The following PIK3R6 variants were observed in gnomAD, a reference collection of about 807,000 sequenced individuals.
The protein encoded by PIK3R6 is phosphoinositide 3-kinase regulatory subunit 6.
In PIK3R6, 91 loss-of-function variants were observed where a neutral mutation model predicts 84.9. The ratio of observed to expected loss-of-function variants is 1.07; its 90% confidence interval spans 0.90 to 1.28. The LOEUF is 1.28. Ranked by LOEUF, PIK3R6 falls within the 50% of genes most tolerant of loss-of-function variation. PIK3R6 has a pLI of 0.00. For synonymous variants in PIK3R6, 416 were observed against 411.4 expected, an observed-to-expected ratio of 1.01 and a Z score of -0.13; for missense variants, 996 against 985.1, an observed-to-expected ratio of 1.01 and a Z score of -0.15.
intron 9 of PIK3R6, 72 bp downstream of exon 9, chr17:8,832,817 G>A (rs2088297936): frequency 6.2e-7 from 1 of 1,601,774 alleles, no homozygotes; most frequent in Admixed American, 1.7e-5. Context: ...GCTGCTCTCT[G>A]GCGCCCCCTG....
At chr17:8,822,850 T>C in intron 15 of PIK3R6, 146 bp downstream of exon 15, 1 of 946,136 alleles carries the variant, frequency 1.1e-6, no homozygotes, top group Non-Finnish European at 1.7e-6. Context: ...AAGAGCAGCC[T>C]TGGCATTCAG....
chr17:8,864,736 A>T (rs900493525), intron 1 of PIK3R6, among the ~76,000 whole-genome samples: 1 of 151,708 alleles, frequency 6.6e-6, no homozygotes, highest in South Asian at 2.1e-4. Flanking sequence ...ACGGGGTTTC[A>T]CCGTGTTGGC....
chr17:8,838,341 T>C (rs2088554678), intron 4 of PIK3R6: 1 of 519,534 alleles, frequency 1.9e-6, no homozygotes, highest in East Asian at 3.4e-5. Context: ...TGTGGTCGCG[T>C]TATAGTGCTT....
Position 8,828,822 on chromosome 17 carries a change from A to T in PIK3R6, c.1058T>A (p.Leu353Gln), listed in dbSNP as rs759512635. 2.5e-6 allele frequency: 4 copies of T among 1,591,650 alleles called. No individual in the cohort carries two copies. Reference sequence around the variant, plus strand: ...CATCTCAGGGCTGCCGGGTGCAGGCAGCTCATCAGCCCCCGTGGGAAGGTC... The same window carrying T: ...CATCTCAGGGCTGCCGGGTGCAGGCTGCTCATCAGCCCCCGTGGGAAGGTC... ...ERDLPTGADE[L>Q]PAPGSPEMER... The change falls in exon 11 of 20, where the codon CTG becomes CAG. Residue 353 changes from leucine (L) to glutamine (Q), a missense_variant. Coordinates refer to ENST00000619866, the MANE Select transcript of PIK3R6 (RefSeq NM_001010855.4).
In PIK3R6 at chr17:8,832,950, G is replaced by T. The variant is rs887055684; in HGVS notation, c.741C>A (p.His247Gln). ...AGTAAATCTCCTCCAGCCTCTCTAC[G>T]TGTCCCTCCCGGCTCGGGCTGGCCT... ...ASEASPSREG[H>Q]VERLEEIYCS... Residue 247 changes from histidine to glutamine, a missense_variant, in exon 9 of 20, where the codon CAC becomes CAA. Transcript: ENST00000619866. 1 of 1,612,924 alleles carries T rather than the reference G, an allele frequency of 6.2e-7. No individual in the cohort carries two copies. Among genetic ancestry groups the T allele is most frequent in the Non-Finnish European group, 8.5e-7 (1 of 1,179,752 alleles).
intron 1 of PIK3R6, 101 bp downstream of exon 1, chr17:8,867,428 G>GC (rs889817686): frequency 1.1e-4 from 19 of 179,956 alleles, no homozygotes; most frequent in East Asian, 7.7e-4. Context: ...GGGTGTTTCA[G>GC]CCCCCCCAGG....
At chr17:8,846,187 A>T (rs1376135670) in intron 2 of PIK3R6, among the ~76,000 whole-genome samples, 3 of 152,196 alleles carry the variant, frequency 2.0e-5, no homozygotes, top group Non-Finnish European at 1.5e-5. Context: ...ATGGCTAGCC[A>T]GTTATCCCAG....
chr17:8,853,227 T>C (rs1422486701), intron 1 of PIK3R6, among the ~76,000 whole-genome samples: 1 of 152,006 alleles, frequency 6.6e-6, no homozygotes, highest in Non-Finnish European at 1.5e-5. Context: ...AGCTCACGCC[T>C]GTAATCCCAG....
chr17:8,866,763 C>A (rs2089423255), intron 1 of PIK3R6, among the ~76,000 whole-genome samples: 2 of 152,120 alleles, frequency 1.3e-5, no homozygotes, highest in African/African-American at 2.4e-5. Context: ...CCGCACCCTG[C>A]AGTCTCTTTC....
chr17:8,803,625 C>T lies in PIK3R6; in HGVS notation c.2109-196G>A, dbSNP rs1030215981. The T allele has an allele frequency of 3.4e-6, 2 of 590,572 alleles. No homozygotes were observed. Among genetic ancestry groups the T allele is most frequent in the Admixed American group, 6.7e-5 (2 of 30,008 alleles). 36.6% of individuals were successfully genotyped at this position (590,572 alleles called of 1,614,324 possible). A position where few individuals can be genotyped will look rare whatever the true frequency, so the allele number is the denominator to read the frequency against. On this transcript the variant is annotated intron_variant, in intron 19 of 19. Coordinates refer to ENST00000619866, the MANE Select transcript of PIK3R6 (RefSeq NM_001010855.4). The surrounding 1 kb of genome is among the most constrained non-coding windows in gnomAD (Gnocchi z 5.0). ...GCCTGGGGTTCACCGGGAGAGGAGACACTTGGAGCAAGTAACTCTGCGCAT... is the reference window on the plus strand; with the variant it reads ...GCCTGGGGTTCACCGGGAGAGGAGATACTTGGAGCAAGTAACTCTGCGCAT...
At chr17:8,849,751 C>T (rs1167659224) in intron 2 of PIK3R6, 31 bp downstream of exon 2, 4 of 1,608,318 alleles carry the variant, frequency 2.5e-6, no homozygotes, top group African/African-American at 1.3e-5. Flanking sequence ...GCAGCAGGCT[C>T]ACTAGACCCC....
chr17:8,850,761 G>A (rs1387659140), intron 1 of PIK3R6, among the ~76,000 whole-genome samples: 3 of 152,144 alleles, frequency 2.0e-5, no homozygotes, highest in South Asian at 4.1e-4. Flanking sequence ...AAGAGATAAC[G>A]AAGAGACAAT....
chr17:8,820,517 C>T (rs574583253), intron 17 of PIK3R6, among the ~76,000 whole-genome samples: 1 of 152,290 alleles, frequency 6.6e-6, no homozygotes, highest in African/African-American at 2.4e-5. Context: ...CTGGCCCTGG[C>T]ACCGCGCCCT....
chr17:8,857,256 C>T (rs1291994344), intron 1 of PIK3R6, among the ~76,000 whole-genome samples: 2 of 152,134 alleles, frequency 1.3e-5, no homozygotes, highest in African/African-American at 4.8e-5. Context: ...GCATCTAGGG[C>T]AGCAGCCACT....
At chr17:8,854,830 A>G (rs932677899) in intron 1 of PIK3R6, among the ~76,000 whole-genome samples, 1 of 152,260 alleles carries the variant, frequency 6.6e-6, no homozygotes, top group African/African-American at 2.4e-5. Flanking sequence ...GATCCATAAG[A>G]GGAAAAACAT....
intron 12 of PIK3R6, among the ~76,000 whole-genome samples, chr17:8,827,765 A>G (rs1010461340): frequency 9.1e-4 from 37 of 40,714 alleles, no homozygotes; most frequent in South Asian, 3.7e-3. Flanking sequence ...GAGAGAGAGG[A>G]GAGAGAGAGA....
Position 8,828,755 on chromosome 17 carries a change from A to G in PIK3R6, c.1125T>C (p.Arg375=), listed in dbSNP as rs542959618. ...GLQRKGGIKK[R]AWPLDFLMPG... ...GCATCAAGAAGTCCAGGGGCCATGC[A>G]CGCTTCTTGATGCCCCCTTTGCGCT... The change falls in exon 11 of 20, where the codon CGT becomes CGC. Residue 375 remains arginine (R), a synonymous_variant. Transcript: ENST00000619866. The G allele has an allele frequency of 1.3e-6, 2 of 1,600,004 alleles. No individual in the cohort carries two copies.
Position 8,822,640 on chromosome 17 carries a change from T to C in PIK3R6, c.1735A>G (p.Arg579Gly). 6.2e-7 allele frequency: 1 copy of C among 1,613,970 alleles called. No individual in the cohort carries two copies. The highest frequency in any genetic ancestry group is 8.5e-7 in the Non-Finnish European group (1 of 1,179,868). The change falls in exon 16 of 20, where the codon AGG becomes GGG. Residue 579 changes from arginine (R) to glycine (G), a missense_variant. By Grantham distance (125) the Arg-to-Gly change is moderately radical. Transcript: ENST00000619866. ...KFPKDGFSPR[R>G]RGVAEGPGAE... is the part of the protein sequence containing the mutation. ...CCTGGGCCCTCAGCCACGCCTCTCCTCCTGGGTGAAAAGCCATCTGTGGGG... is the reference window on the plus strand; with the variant it reads ...CCTGGGCCCTCAGCCACGCCTCTCCCCCTGGGTGAAAAGCCATCTGTGGGG...
chr17:8,829,131 A>C, intron 10 of PIK3R6, 141 bp from the exon 11 acceptor site: 1 of 798,992 alleles, frequency 1.3e-6, no homozygotes, highest in East Asian at 3.0e-5. Flanking sequence ...ACATGCACAG[A>C]GACTCACACA....
Sources: allele counts gnomAD v4.1 joint callset (sites outside exome capture counted in the v4.1 genomes callset), GRCh38; gene constraint gnomAD v4.1.1; non-coding constraint Gnocchi (gnomAD v3.1); transcripts MANE v1.5; gene names NCBI Gene and HGNC (gene_info 2026-07-23, HGNC 2026-07-21).